ZNF76: variants seen among roughly 807,000 people sequenced by gnomAD.
ZNF76 encodes the protein zinc finger protein 523.
ZNF76 carries 66 observed loss-of-function variants against 66.9 expected under a neutral mutation model. The ratio of observed to expected loss-of-function variants is 0.99; its 90% confidence interval spans 0.81 to 1.21. The LOEUF (loss-of-function observed/expected upper bound fraction) is 1.21. Among genes scored for constraint, ZNF76 ranks in the 50% most tolerant of loss-of-function variants. The pLI, the probability that ZNF76 is intolerant of heterozygous loss-of-function variation, is 0.00. For synonymous variants in ZNF76, 275 were observed against 296.1 expected, an observed-to-expected ratio of 0.93 and a Z score of 0.73; for missense variants, 729 against 760.3, an observed-to-expected ratio of 0.96 and a Z score of 0.48.
rs1017812169 is a variant in ZNF76, at chr6:35,294,386, A to T, written c.1495-70A>T. On this transcript the variant is annotated intron_variant, in intron 12 of 13. Coordinates refer to ENST00000373953, the MANE Select transcript of ZNF76 (RefSeq NM_003427.5). Reference sequence around the variant, plus strand: ...TGTTCCCAGCACCTTAATTGGAGGGATGTTTATTTGGATTGTGGGGAGGGA... The same window carrying T: ...TGTTCCCAGCACCTTAATTGGAGGGTTGTTTATTTGGATTGTGGGGAGGGA... 35 of 1,043,242 alleles carry T rather than the reference A, an allele frequency of 3.4e-5. No homozygotes were observed. The African/African-American group carries it at 5.0e-4, about 15-fold the overall frequency. 64.6% of individuals were successfully genotyped at this position (1,043,242 alleles called of 1,614,324 possible).
At chr6:35,294,288 C>A in intron 12 of ZNF76, 168 bp from the exon 13 acceptor site, 1 of 607,568 alleles carries the variant, frequency 1.6e-6, no homozygotes. Context: ...TGGGAGGAAA[C>A]CCAGCCTTAC....
At chr6:35,270,458 A>C (rs1275328942) in intron 1 of ZNF76, 1 of 152,112 alleles carries the variant, frequency 6.6e-6, no homozygotes, top group African/African-American at 2.4e-5. Flanking sequence ...AGTATAAAAG[A>C]TATTCCCTGA....
chr6:35,288,777 C>T (rs1365600758), intron 5 of ZNF76, among the ~76,000 whole-genome samples: 3 of 151,858 alleles, frequency 2.0e-5, no homozygotes, highest in Non-Finnish European at 4.4e-5. Flanking sequence ...GGCAACATGG[C>T]GAAACCTCAT....
Position 35,292,302 on chromosome 6 carries a change from T to C in ZNF76, c.932-252T>C. 1.3e-5 allele frequency: 6 copies of C among 478,894 alleles called. No individual in the cohort carries two copies. Among genetic ancestry groups the C allele is most frequent in the South Asian group, 2.2e-5 (1 of 45,436 alleles). The allele number at this position is 478,894 out of a possible 1,614,324, so 29.7% of individuals were successfully genotyped here. ...AGCCCCAGTGCCCCCTACCAGCCCC[T>C]TCACTAGCCCCAGCCTTGCCCTGTC... On this transcript the variant is annotated intron_variant, in intron 9 of 13. Transcript: ENST00000373953. This position sits in a 1 kb window ranked among gnomAD's most constrained non-coding sequence, Gnocchi z 4.7.
intron 1 of ZNF76, among the ~76,000 whole-genome samples, chr6:35,274,160 G>A (rs997741063): frequency 6.6e-6 from 1 of 152,154 alleles, no homozygotes; most frequent in African/African-American, 2.4e-5. Flanking sequence ...CTCATGAGAA[G>A]TTTTCTATGT....
At position 35,293,661 on chromosome 6, in the gene ZNF76, C is replaced by G. The variant is rs1790761019; in HGVS notation, c.1330-90C>G. 5.5e-6 allele frequency: 8 copies of G among 1,465,198 alleles called. No homozygotes were observed. The South Asian group carries it at 1.0e-4, about 19-fold the overall frequency. 90.8% of individuals were successfully genotyped at this position (1,465,198 alleles called of 1,614,324 possible). ...TATGACATGAAACTAATAAGCTGACCTTGTCTGGGAGAGCAGGTATATCTT... is the reference window on the plus strand; with the variant it reads ...TATGACATGAAACTAATAAGCTGACGTTGTCTGGGAGAGCAGGTATATCTT... On this transcript the variant is annotated intron_variant, in intron 11 of 13. Transcript: ENST00000373953.
chr6:35,277,459 C>T (rs751016512), intron 1 of ZNF76, among the ~76,000 whole-genome samples: 7 of 152,222 alleles, frequency 4.6e-5, no homozygotes, highest in Non-Finnish European at 1.0e-4. Context: ...GTTTCATAAA[C>T]CCCCAGCTTC....
intron 1 of ZNF76, among the ~76,000 whole-genome samples, chr6:35,270,799 C>T (rs112018202): frequency 0.024 from 3,643 of 152,072 alleles, 71 homozygotes; most frequent in South Asian, 0.036. Flanking sequence ...CCTGGTGATC[C>T]GACTGCTTCA....
chr6:35,278,605 G>GT (rs751497978), intron 1 of ZNF76, among the ~76,000 whole-genome samples: 38 of 152,370 alleles, frequency 2.5e-4, no homozygotes, highest in Non-Finnish European at 4.0e-4. Context: ...AAAGATATCG[G>GT]TTGGTAAGTC....
chr6:35,287,289 A>C lies in ZNF76; in HGVS notation c.233-357A>C, dbSNP rs1401602920. Among the ~76,000 whole-genome samples the C allele has an allele frequency of 6.6e-6, 1 of 152,154 alleles. No individual in the cohort carries two copies. Among genetic ancestry groups the C allele is most frequent in the East Asian group, 1.9e-4 (1 of 5,198 alleles). The stretch of plus-strand genomic sequence containing the variant: ...TGAGGCAGTTAAGTGACATGGTCAC[A>C]TTTGTGTCCCGCAAAGATCCCTCTG... On this transcript the variant is annotated intron_variant, in intron 4 of 13. Transcript: ENST00000373953. This position sits in a 1 kb window ranked among gnomAD's most constrained non-coding sequence, Gnocchi z 4.0.
chr6:35,266,433 A>G (rs1291225709), intron 1 of ZNF76, among the ~76,000 whole-genome samples: 2 of 152,214 alleles, frequency 1.3e-5, no homozygotes, highest in Non-Finnish European at 2.9e-5. Flanking sequence ...ACAAAATGGT[A>G]AAATTCCCAT....
At chr6:35,295,114 CTCCT>C (rs770854512) in intron 13 of ZNF76, 26 bp from the exon 14 acceptor site, 1 of 1,569,394 alleles carries the variant, frequency 6.4e-7, no homozygotes, top group Admixed American at 1.7e-5. Flanking sequence ...GTCTCACTGT[CTCCT>C]TCCTTCTGCA....
At chr6:35,261,867 A>T (rs1046119646) in intron 1 of ZNF76, among the ~76,000 whole-genome samples, 1 of 151,944 alleles carries the variant, frequency 6.6e-6, no homozygotes, top group Non-Finnish European at 1.5e-5. Flanking sequence ...TGACTTTCTC[A>T]TCCTGCTGTT....
chr6:35,273,157 GAAAAAAAACAAAAAACAAAAAACAA>G (rs1262709307), intron 1 of ZNF76, among the ~76,000 whole-genome samples: 2 of 143,552 alleles, frequency 1.4e-5, no homozygotes, highest in African/African-American at 5.1e-5. Flanking sequence ...CTCTGTCTCA[GAAAAAAAACAAAAAACAAAAAACAA>G]AAAAAAAACG....
At position 35,294,522 on chromosome 6, in the gene ZNF76, C is replaced by T. The variant is rs1790897410; in HGVS notation, c.1561C>T (p.Gln521Ter). 5 of 1,614,130 alleles carry T rather than the reference C, an allele frequency of 3.1e-6. No homozygotes were observed. Among genetic ancestry groups the T allele is most frequent in the East Asian group, 2.2e-5 (1 of 44,876 alleles). Residue 521 changes from glutamine (Q) to a stop codon, truncating the protein, a stop_gained, in exon 13 of 14, where the codon CAG (glutamine) becomes TAG (stop). Transcript: ENST00000373953. LOFTEE classifies it high-confidence loss of function. ...AAGTGTAGCATCTCTTCGTCATCAA[C>T]AGGTGGCACTGTTGGCCACAGCCAA... The part of the protein sequence containing the change: ...DSSVASLRHQ[Q>*]VALLATANGT...
In ZNF76 at chr6:35,295,458, A is replaced by C. The variant is rs994476274; in HGVS notation, c.*210A>C. ...GCAGCTGGAATCAGGGGAGTGCATC[A>C]TCCTCGGGAGCTGACAACAGCCAGG... On this transcript the variant is annotated 3_prime_UTR_variant, in exon 14 of 14. Transcript: ENST00000373953. The C allele has an allele frequency of 5.1e-6, 3 of 590,928 alleles. No homozygotes were observed. Among genetic ancestry groups the C allele is most frequent in the African/African-American group, 3.7e-5 (2 of 54,570 alleles). The allele number at this position is 590,928 out of a possible 1,614,324, so 36.6% of individuals were successfully genotyped here.
At chr6:35,269,974 A>T (rs963165351) in intron 1 of ZNF76, among the ~76,000 whole-genome samples, 1 of 152,208 alleles carries the variant, frequency 6.6e-6, no homozygotes, top group African/African-American at 2.4e-5. Flanking sequence ...GTAGATCAGT[A>T]ACATGGAATC....
chr6:35,288,949 TAAAAAAAAAAA>T (rs34352057), intron 5 of ZNF76, among the ~76,000 whole-genome samples: 2 of 95,750 alleles, frequency 2.1e-5, no homozygotes, highest in Non-Finnish European at 2.1e-5. Flanking sequence ...AGATCCTATC[TAAAAAAAAAAA>T]AAAAAAAAAA....
At chr6:35,294,254 C>T in intron 12 of ZNF76, 1 of 588,698 alleles carries the variant, frequency 1.7e-6, no homozygotes, top group Non-Finnish European at 3.0e-6. Context: ...ATTCAAAATC[C>T]CTAAATTAAA....
Sources: allele counts gnomAD v4.1 joint callset (sites outside exome capture counted in the v4.1 genomes callset), GRCh38; gene constraint gnomAD v4.1.1; non-coding constraint Gnocchi (gnomAD v3.1); transcripts MANE v1.5; gene names NCBI Gene and HGNC (gene_info 2026-07-23, HGNC 2026-07-21).